SLC49A4: variants seen among roughly 807,000 people sequenced by gnomAD.
SLC49A4 encodes disrupted in renal cancer protein 2.
In SLC49A4, 36 loss-of-function variants were observed where a neutral mutation model predicts 50.6. The observed-to-expected ratio is 0.71, with a 90% CI of 0.55 to 0.94. The LOEUF (loss-of-function observed/expected upper bound fraction) is 0.94, where lower values mean the gene tolerates loss of function less well. Among genes scored for constraint, SLC49A4 ranks in the 40% least tolerant of loss-of-function variants. The probability of loss-of-function intolerance (pLI) is 0.00; values close to 1 mark genes in which losing one functional copy is unlikely to be tolerated. For missense variants in SLC49A4, 503 were observed against 605.7 expected (o/e 0.83, Z 1.78); for synonymous variants, 248 against 241.2 (o/e 1.03, Z -0.26).
intron 3 of SLC49A4, among the ~76,000 whole-genome samples, chr3:122,827,845 T>G (rs112049671): frequency 6.6e-6 from 1 of 152,040 alleles, no homozygotes; most frequent in African/African-American, 2.4e-5. Context: ...TGTAGGGAAG[T>G]TGAGGGGGCA....
intron 2 of SLC49A4, among the ~76,000 whole-genome samples, chr3:122,818,001 G>A (rs547410024): frequency 3.1e-4 from 47 of 152,022 alleles, no homozygotes; most frequent in Non-Finnish European, 5.3e-4. Flanking sequence ...AACAGTTTGC[G>A]AGTATATTTC....
intron 3 of SLC49A4, among the ~76,000 whole-genome samples, chr3:122,829,980 A>C (rs1320637649): frequency 6.6e-6 from 1 of 152,238 alleles, no homozygotes; most frequent in Non-Finnish European, 1.5e-5. Flanking sequence ...TAGATCTAAA[A>C]AAAGATTTTA....
chr3:122,833,069 T>C (rs1363690458), intron 3 of SLC49A4, among the ~76,000 whole-genome samples: 1 of 152,006 alleles, frequency 6.6e-6, no homozygotes, highest in Non-Finnish European at 1.5e-5. Flanking sequence ...AGACCCTATC[T>C]CTACAAAAAT....
chr3:122,845,987 A>C (rs190439713), intron 5 of SLC49A4, 116 bp downstream of exon 5: 89 of 542,108 alleles, frequency 1.6e-4, no homozygotes, highest in African/African-American at 1.6e-3. Context: ...GTCCTATACC[A>C]TTGTTGCAAA....
chr3:122,843,633 A>G (rs1936806200), intron 4 of SLC49A4, among the ~76,000 whole-genome samples: 1 of 152,228 alleles, frequency 6.6e-6, no homozygotes, highest in Admixed American at 6.5e-5. Flanking sequence ...GGTTTCCTTA[A>G]CATGGCTCTT....
At chr3:122,849,323 T>C (rs1029765101) in intron 5 of SLC49A4, among the ~76,000 whole-genome samples, 3 of 152,208 alleles carry the variant, frequency 2.0e-5, no homozygotes, top group Non-Finnish European at 4.4e-5. Context: ...ACTGATTTCC[T>C]TTCTATTGGG....
chr3:122,847,573 C>T (rs2107574699), intron 5 of SLC49A4, among the ~76,000 whole-genome samples: 1 of 152,036 alleles, frequency 6.6e-6, no homozygotes, highest in South Asian at 2.1e-4. Context: ...TCTCAATCTC[C>T]TGACCTCGTG....
intron 7 of SLC49A4, among the ~76,000 whole-genome samples, chr3:122,862,476 A>T (rs957495673): frequency 6.6e-6 from 1 of 152,206 alleles, no homozygotes; most frequent in African/African-American, 2.4e-5. Flanking sequence ...GGCATCCTAC[A>T]TTGGAGTTTT....
chr3:122,819,953 A>C (rs1024447455), intron 2 of SLC49A4, among the ~76,000 whole-genome samples: 1 of 152,074 alleles, frequency 6.6e-6, no homozygotes, highest in Non-Finnish European at 1.5e-5. Flanking sequence ...ATTTTTATGT[A>C]TTCTAAATTA....
At chr3:122,871,527 T>G (rs1937196714) in intron 7 of SLC49A4, among the ~76,000 whole-genome samples, 1 of 152,130 alleles carries the variant, frequency 6.6e-6, no homozygotes, top group East Asian at 1.9e-4. Context: ...AATATTTTCC[T>G]TGTAACCTTA....
At chr3:122,804,710 C>T (rs543688885) in intron 1 of SLC49A4, among the ~76,000 whole-genome samples, 40 of 152,318 alleles carry the variant, frequency 2.6e-4, no homozygotes, top group Non-Finnish European at 1.6e-4. Flanking sequence ...ATCTCAAACT[C>T]CTGGCTTCAA....
At chr3:122,795,934 T>C (rs772676775) in intron 1 of SLC49A4, among the ~76,000 whole-genome samples, 6 of 152,204 alleles carry the variant, frequency 3.9e-5, no homozygotes, top group African/African-American at 7.2e-5. Flanking sequence ...GAAAATAGAT[T>C]GACGGTGCCC....
rs575891010 is a variant in SLC49A4 at position 122,799,160 on chromosome 3, C to G, written c.343+3625C>G. On this transcript the variant is annotated intron_variant, in intron 1 of 8. Transcript: ENST00000261038. Reference sequence around the variant, plus strand: ...GGACATGGCCCTCACAGACCCTCCTCCTAGTAAGGAGATCCAGACAGCAAA... The same window carrying G: ...GGACATGGCCCTCACAGACCCTCCTGCTAGTAAGGAGATCCAGACAGCAAA... 3.0e-4 allele frequency among the ~76,000 whole-genome samples: 45 copies of G among 152,234 alleles called. No homozygotes were observed. In the South Asian group the frequency reaches 6.0e-3, roughly 20 times the overall value.
chr3:122,804,570 G>A (rs1159103003), intron 1 of SLC49A4, among the ~76,000 whole-genome samples: 1 of 152,192 alleles, frequency 6.6e-6, no homozygotes. Flanking sequence ...CATCAGCTGG[G>A]ATAGATTAAA....
At chr3:122,852,135 G>A (rs1301733554) in intron 5 of SLC49A4, among the ~76,000 whole-genome samples, 1 of 151,958 alleles carries the variant, frequency 6.6e-6, no homozygotes, top group Non-Finnish European at 1.5e-5. Flanking sequence ...GGGACTACAG[G>A]CGCGTACAAC....
chr3:122,827,712 T>C (rs932393474), intron 3 of SLC49A4, among the ~76,000 whole-genome samples: 2 of 152,228 alleles, frequency 1.3e-5, no homozygotes, highest in African/African-American at 4.8e-5. Context: ...AGAACACTTT[T>C]TGTAGGTGTT....
At chr3:122,852,746 G>A (rs185663863) in intron 5 of SLC49A4, among the ~76,000 whole-genome samples, 2 of 152,112 alleles carry the variant, frequency 1.3e-5, no homozygotes, top group Admixed American at 1.3e-4. Context: ...CCCACAGCAG[G>A]CCCTAAACTC....
chr3:122,844,413 A>G (rs1206513738), intron 4 of SLC49A4, among the ~76,000 whole-genome samples: 2 of 152,180 alleles, frequency 1.3e-5, no homozygotes, highest in Non-Finnish European at 2.9e-5. Context: ...ATGAAATAAT[A>G]TTGGTTATCT....
intron 8 of SLC49A4, among the ~76,000 whole-genome samples, chr3:122,875,561 A>C (rs1367186152): frequency 1.3e-5 from 2 of 152,140 alleles, no homozygotes; most frequent in Non-Finnish European, 1.5e-5. Flanking sequence ...CATGTTGCCC[A>C]TGCTGGTGTT....
Sources: gnomAD v4.1 joint callset for allele counts (sites outside exome capture counted in the v4.1 genomes callset) on GRCh38, gnomAD v4.1.1 for gene constraint, MANE v1.5 for transcripts, NCBI Gene and HGNC (gene_info 2026-07-23, HGNC 2026-07-21) for gene names.